The following LRRC4C variants were observed in gnomAD, a reference collection of about 807,000 sequenced individuals.
LRRC4C encodes leucine rich repeat containing 4C.
In LRRC4C, 5 loss-of-function variants were observed where a neutral mutation model predicts 33.6. The observed-to-expected ratio is 0.15, with a 90% CI of 0.08 to 0.31. The LOEUF is 0.31. Ranked by LOEUF, LRRC4C falls within the 10% of genes least tolerant of loss-of-function variation. The probability of loss-of-function intolerance (pLI) is 1.00; values close to 1 mark genes in which losing one functional copy is unlikely to be tolerated. For missense variants in LRRC4C, 560 were observed against 796.7 expected, an observed-to-expected ratio of 0.70 and a Z score of 3.58; for synonymous variants, 329 against 302.0, an observed-to-expected ratio of 1.09 and a Z score of -0.93.
intron 1 of LRRC4C, among the ~76,000 whole-genome samples, chr11:41,167,600 A>G (rs923008520): frequency 1.3e-5 from 2 of 152,206 alleles, no homozygotes; most frequent in East Asian, 3.8e-4. Flanking sequence ...AACTGGAAAC[A>G]CTTTTCTTGC....
chr11:40,358,231 TAGAG>T (rs1270411731), intron 3 of LRRC4C, among the ~76,000 whole-genome samples: 3 of 151,606 alleles, frequency 2.0e-5, no homozygotes, highest in Non-Finnish European at 4.4e-5. Context: ...AAAAAGGAAA[TAGAG>T]AGAAGTAAGG....
intron 4 of LRRC4C, among the ~76,000 whole-genome samples, chr11:40,272,290 T>A (rs1224251509): frequency 6.6e-6 from 1 of 152,110 alleles, no homozygotes; most frequent in African/African-American, 2.4e-5. Context: ...ATACTATGAA[T>A]CCAATTATGT....
At position 41,078,348 on chromosome 11, in the gene LRRC4C, A is replaced by G. The variant is rs868453926; in HGVS notation, c.-495-144625T>C. Among the ~76,000 whole-genome samples, 12 of 152,242 alleles carry G rather than the reference A, an allele frequency of 7.9e-5. 1 individual carries two copies. The Middle Eastern group carries it at 0.01, about 129-fold the overall frequency. ...TCAGGTATCTTTATGGCAGTGCTCCACTTTCCTAGTACCAATTTTCTGTAT... is the reference window on the plus strand; with the variant it reads ...TCAGGTATCTTTATGGCAGTGCTCCGCTTTCCTAGTACCAATTTTCTGTAT... On this transcript the variant is annotated intron_variant, in intron 1 of 6. Transcript: ENST00000528697.
intron 4 of LRRC4C, among the ~76,000 whole-genome samples, chr11:40,257,174 A>G (rs1867273843): frequency 6.6e-6 from 1 of 152,162 alleles, no homozygotes; most frequent in Non-Finnish European, 1.5e-5. Flanking sequence ...ATATGATGCT[A>G]ATGCTTGGCC....
At chr11:40,197,537 C>T (rs1258569646) in intron 5 of LRRC4C, among the ~76,000 whole-genome samples, 4 of 152,222 alleles carry the variant, frequency 2.6e-5, no homozygotes, top group Non-Finnish European at 5.9e-5. Context: ...TAGAATAAGT[C>T]TACCTTCTAA....
rs565599561 is a variant in LRRC4C at position 40,237,791 on chromosome 11, G to C, written c.-96+3728C>G. On this transcript the variant is annotated intron_variant, in intron 5 of 6. Transcript: ENST00000528697. ...GCCTGGAATTTGGATTTGGCAGTCTGATTTGACAAAAATCAAAATAATATC... is the reference window on the plus strand; with the variant it reads ...GCCTGGAATTTGGATTTGGCAGTCTCATTTGACAAAAATCAAAATAATATC... Among the ~76,000 whole-genome samples, 3 of 152,250 alleles carry C rather than the reference G, an allele frequency of 2.0e-5. No individual in the cohort carries two copies. The South Asian group carries it at 6.2e-4, about 32-fold the overall frequency.
intron 1 of LRRC4C, among the ~76,000 whole-genome samples, chr11:41,245,821 T>C (rs1431928957): frequency 2.6e-5 from 4 of 152,168 alleles, no homozygotes; most frequent in Non-Finnish European, 4.4e-5. Context: ...AGGTGCTTTA[T>C]TGAGTGACAG....
At chr11:40,888,902 A>G (rs2136090239) in intron 2 of LRRC4C, among the ~76,000 whole-genome samples, 1 of 152,106 alleles carries the variant, frequency 6.6e-6, no homozygotes, top group African/African-American at 2.4e-5. Context: ...TCTCTCCTTA[A>G]GGAATTCTGA....
At chr11:40,297,307 A>G (rs1590937653) in intron 4 of LRRC4C, among the ~76,000 whole-genome samples, 1 of 152,210 alleles carries the variant, frequency 6.6e-6, no homozygotes, top group African/African-American at 2.4e-5. Flanking sequence ...CAATAGTATT[A>G]CATAGGGACC....
chr11:41,271,616 T>C lies in LRRC4C; in HGVS notation c.-496+187815A>G, dbSNP rs111545705. On this transcript the variant is annotated intron_variant, in intron 1 of 6. Transcript: ENST00000528697. ...CACTCTCTGTTCACAGTCTGTTTTCTATTCTTCAAGTATGTATCAAAATAA... is the reference window on the plus strand; with the variant it reads ...CACTCTCTGTTCACAGTCTGTTTTCCATTCTTCAAGTATGTATCAAAATAA... 7.1e-3 allele frequency among the ~76,000 whole-genome samples: 1,074 copies of C among 152,258 alleles called. 7 individuals are homozygous for C. The highest frequency in any genetic ancestry group is 0.023 in the African/African-American group (972 of 41,572).
intron 3 of LRRC4C, among the ~76,000 whole-genome samples, chr11:40,567,180 C>T (rs1288672986): frequency 6.6e-6 from 1 of 152,058 alleles, no homozygotes; most frequent in Non-Finnish European, 1.5e-5. Flanking sequence ...TTTTATAGTA[C>T]TGCCTCTAGG....
In LRRC4C at chr11:40,920,048, G is replaced by A. The variant is rs184324049; in HGVS notation, c.-407+13587C>T. ...GCTTGATTACCTCTAGTGACAGGAA[G>A]GTCATTAACTCATGATGCAATGCCA... On this transcript the variant is annotated intron_variant, in intron 2 of 6. Transcript: ENST00000528697. Among the ~76,000 whole-genome samples the A allele has an allele frequency of 3.1e-3, 472 of 152,112 alleles. 2 individuals are homozygous for A. Among genetic ancestry groups the A allele is most frequent in the Non-Finnish European group, 5.2e-3 (352 of 67,988 alleles).
At chr11:40,401,418 T>C (rs1174679447) in intron 3 of LRRC4C, among the ~76,000 whole-genome samples, 2 of 152,134 alleles carry the variant, frequency 1.3e-5, no homozygotes. Context: ...CAGGATGTGG[T>C]TCATGCAAAC....
At chr11:40,537,212 C>T (rs770288955) in intron 3 of LRRC4C, among the ~76,000 whole-genome samples, 3 of 152,126 alleles carry the variant, frequency 2.0e-5, no homozygotes, top group Admixed American at 6.5e-5. Flanking sequence ...GCTCTGTCTC[C>T]GTAAGAAAAG....
chr11:40,512,593 T>C (rs1014827680), intron 3 of LRRC4C, among the ~76,000 whole-genome samples: 1 of 152,130 alleles, frequency 6.6e-6, no homozygotes, highest in South Asian at 2.1e-4. Context: ...CTGGGAGAGC[T>C]GGGCCTCATT....
At chr11:41,437,501 A>T (rs1955472146) in intron 1 of LRRC4C, among the ~76,000 whole-genome samples, 1 of 152,054 alleles carries the variant, frequency 6.6e-6, no homozygotes, top group Non-Finnish European at 1.5e-5. Context: ...TAGTGCTTCA[A>T]AGATAGGAAC....
chr11:40,150,783 A>G lies in LRRC4C; in HGVS notation c.-95-9930T>C, dbSNP rs142347650. Among the ~76,000 whole-genome samples the G allele has an allele frequency of 2.4e-3, 360 of 152,250 alleles. 2 individuals carry two copies. Among genetic ancestry groups the G allele is most frequent in the African/African-American group, 8.1e-3 (336 of 41,550 alleles). On this transcript the variant is annotated intron_variant, in intron 5 of 6. Coordinates refer to ENST00000528697, the MANE Select transcript of LRRC4C (RefSeq NM_001258419.2). ...TCTACCATTCTGACCATGTATGAGA[A>G]CTAATTGAAGGGAGAAGTAGATCAG...
intron 5 of LRRC4C, among the ~76,000 whole-genome samples, chr11:40,143,731 C>T (rs1022624394): frequency 6.6e-6 from 1 of 152,178 alleles, no homozygotes; most frequent in Non-Finnish European, 1.5e-5. Context: ...TCTCTGTCCC[C>T]TTATTCTGTT....
intron 3 of LRRC4C, among the ~76,000 whole-genome samples, chr11:40,448,432 G>T (rs1951737135): frequency 6.6e-6 from 1 of 151,866 alleles, no homozygotes; most frequent in Non-Finnish European, 1.5e-5. Flanking sequence ...CCTGGTGTGT[G>T]ATATTCCCCT....
Sources: allele counts gnomAD v4.1 joint callset (sites outside exome capture counted in the v4.1 genomes callset), GRCh38; gene constraint gnomAD v4.1.1; transcripts MANE v1.5; gene names NCBI Gene and HGNC (gene_info 2026-07-23, HGNC 2026-07-21).